PDE11A: variants seen among roughly 807,000 people sequenced by gnomAD.
The protein encoded by PDE11A is phosphodiesterase 11A.
Under a neutral mutation model 100.5 loss-of-function variants are expected in PDE11A, and 100 were observed. That is an observed-to-expected ratio of 1.00 (90% CI 0.85 to 1.18). The LOEUF (loss-of-function observed/expected upper bound fraction) is 1.18, where lower values mean the gene tolerates loss of function less well. Ranked by LOEUF, PDE11A falls within the 50% of genes most tolerant of loss-of-function variation. The pLI is 0.00. For synonymous variants in PDE11A, 381 were observed against 420.8 expected, an observed-to-expected ratio of 0.91 and a Z score of 1.16; for missense variants, 1,141 against 1,152.6, an observed-to-expected ratio of 0.99 and a Z score of 0.15.
intron 5 of PDE11A, 36 bp downstream of exon 5, chr2:177,875,823 G>A: frequency 1.4e-6 from 2 of 1,395,866 alleles, no homozygotes; most frequent in Non-Finnish European, 2.0e-6. Context: ...AAGGACAAAA[G>A]AACATCAAAA....
intron 2 of PDE11A, among the ~76,000 whole-genome samples, chr2:177,923,031 GTC>G (rs67121141): frequency 0.086 from 13,039 of 151,994 alleles, 532 homozygotes; most frequent in South Asian, 0.1. Flanking sequence ...CTCTACCATT[GTC>G]TCTCTGCATT....
chr2:177,689,954 G>T (rs1304204199), intron 15 of PDE11A, among the ~76,000 whole-genome samples: 1 of 152,182 alleles, frequency 6.6e-6, no homozygotes, highest in Non-Finnish European at 1.5e-5. Context: ...TTCGCTGCTA[G>T]ATGTTGCTGC....
chr2:177,920,389 G>C (rs6716206), intron 2 of PDE11A, among the ~76,000 whole-genome samples: 1 of 151,514 alleles, frequency 6.6e-6, no homozygotes, highest in Admixed American at 6.6e-5. Context: ...TTGCCAAAAA[G>C]AAACACAAAT....
chr2:177,678,577 T>C (rs755664567), intron 16 of PDE11A, among the ~76,000 whole-genome samples: 2 of 152,196 alleles, frequency 1.3e-5, no homozygotes, highest in Admixed American at 6.5e-5. Context: ...GACTTTTAGT[T>C]GGTTTTATTA....
chr2:177,852,220 T>C (rs2083726002), intron 5 of PDE11A, among the ~76,000 whole-genome samples: 1 of 152,086 alleles, frequency 6.6e-6, no homozygotes, highest in Admixed American at 6.6e-5. Context: ...GGACTGAAAG[T>C]TTCAACATAA....
chr2:177,662,734 A>G (rs1226941538), intron 19 of PDE11A, among the ~76,000 whole-genome samples: 1 of 152,196 alleles, frequency 6.6e-6, no homozygotes, highest in African/African-American at 2.4e-5. Flanking sequence ...ACTTTACCTG[A>G]TTTTATGGTA....
chr2:177,751,262 C>T (rs2082021867), intron 10 of PDE11A, among the ~76,000 whole-genome samples: 1 of 151,694 alleles, frequency 6.6e-6, no homozygotes, highest in Non-Finnish European at 1.5e-5. Context: ...GACTTACTTC[C>T]TATCACACTT....
chr2:177,794,931 G>T (rs1051161299), intron 9 of PDE11A, among the ~76,000 whole-genome samples: 2 of 151,970 alleles, frequency 1.3e-5, no homozygotes, highest in African/African-American at 4.8e-5. Flanking sequence ...GATTACAGGT[G>T]CCCACCACCA....
chr2:178,028,292 T>A (rs987612621), intron 1 of PDE11A, among the ~76,000 whole-genome samples: 11 of 91,530 alleles, frequency 1.2e-4, no homozygotes, highest in Non-Finnish European at 2.4e-4. Flanking sequence ...TATAGTCACA[T>A]GTTCCATCAA....
chr2:177,810,144 T>G (rs1442398693), intron 9 of PDE11A, among the ~76,000 whole-genome samples: 2 of 152,212 alleles, frequency 1.3e-5, no homozygotes, highest in African/African-American at 4.8e-5. Context: ...GCTGATGTTA[T>G]GCCAGTCTGT....
intron 19 of PDE11A, among the ~76,000 whole-genome samples, chr2:177,640,555 T>C (rs1381681820): frequency 6.6e-6 from 1 of 152,186 alleles, no homozygotes; most frequent in Admixed American, 6.5e-5. Context: ...AGGTAGCCAA[T>C]TGTGGGAGCA....
intron 15 of PDE11A, among the ~76,000 whole-genome samples, chr2:177,690,956 C>T (rs558596362): frequency 9.2e-5 from 14 of 152,336 alleles, no homozygotes; most frequent in African/African-American, 3.1e-4. Flanking sequence ...ATCTACCTTG[C>T]ACATTGATAT....
intron 2 of PDE11A, among the ~76,000 whole-genome samples, chr2:177,988,095 A>C (rs1245149032): frequency 6.6e-6 from 1 of 152,204 alleles, no homozygotes; most frequent in Non-Finnish European, 1.5e-5. Flanking sequence ...TTCACTCTAA[A>C]GCTCTGATGA....
intron 6 of PDE11A, among the ~76,000 whole-genome samples, chr2:177,825,779 A>G (rs1024610009): frequency 2.0e-5 from 3 of 152,148 alleles, no homozygotes; most frequent in Non-Finnish European, 2.9e-5. Flanking sequence ...CAACGAAGTC[A>G]CCCAAAGTTT....
chr2:178,009,735 C>T (rs2105824197), intron 2 of PDE11A, among the ~76,000 whole-genome samples: 1 of 152,270 alleles, frequency 6.6e-6, no homozygotes, highest in South Asian at 2.1e-4. Flanking sequence ...ATATAGTGGT[C>T]CTATGCACAA....
chr2:177,922,305 T>C (rs956565068), intron 2 of PDE11A, among the ~76,000 whole-genome samples: 1 of 152,190 alleles, frequency 6.6e-6, no homozygotes, highest in Admixed American at 6.5e-5. Context: ...AAATACTTTA[T>C]GTCCAAGACA....
At chr2:177,944,971 C>T in intron 2 of PDE11A, among the ~76,000 whole-genome samples, 1 of 149,690 alleles carries the variant, frequency 6.7e-6, no homozygotes, top group East Asian at 2.0e-4. Flanking sequence ...CCTGCCATTG[C>T]AGGCACGCGC....
chr2:177,797,250 C>G (rs2082719778), intron 9 of PDE11A: 1 of 152,170 alleles, frequency 6.6e-6, no homozygotes, highest in African/African-American at 2.4e-5. Context: ...CTCAAAAGAG[C>G]CCTTGCGGTA....
chr2:177,871,525 AATTATTATTATTATT>A (rs142275376), intron 5 of PDE11A, among the ~76,000 whole-genome samples: 19,876 of 138,136 alleles, frequency 0.14, 1,595 homozygotes, highest in Middle Eastern at 0.27. Context: ...GTCAGTAGTA[AATTATTATTATTATT>A]ATTATTATTA....
Sources: allele counts gnomAD v4.1 joint callset (sites outside exome capture counted in the v4.1 genomes callset), GRCh38; gene constraint gnomAD v4.1.1; transcripts MANE v1.5; gene names NCBI Gene and HGNC (gene_info 2026-07-23, HGNC 2026-07-21).